MINDY4: variants seen among roughly 807,000 people sequenced by gnomAD.
The protein encoded by MINDY4 is probable ubiquitin carboxyl-terminal hydrolase MINDY-4.
A neutral mutation model predicts 87.0 loss-of-function variants in MINDY4; 68 were observed. The observed-to-expected ratio is 0.78, with a 90% CI of 0.64 to 0.96. The LOEUF (loss-of-function observed/expected upper bound fraction) is 0.96, where lower values mean the gene tolerates loss of function less well. Among genes scored for constraint, MINDY4 ranks in the 40% least tolerant of loss-of-function variants. MINDY4 has a pLI of 0.00. For synonymous variants in MINDY4, 379 were observed against 363.2 expected (o/e 1.04, Z -0.50); for missense variants, 919 against 928.2 (o/e 0.99, Z 0.13).
chr7:30,808,509 G>A (rs115071752), intron 5 of MINDY4, among the ~76,000 whole-genome samples: 1,726 of 152,224 alleles, frequency 0.011, 27 homozygotes, highest in African/African-American at 0.039. Flanking sequence ...CATGTGGTGT[G>A]AGCGTGGTGT....
At chr7:30,813,178 A>G (rs1170227946) in intron 5 of MINDY4, among the ~76,000 whole-genome samples, 1 of 152,206 alleles carries the variant, frequency 6.6e-6, no homozygotes, top group Non-Finnish European at 1.5e-5. Context: ...CCAGAGAACC[A>G]GAGCCCTGTC....
intron 3 of MINDY4, among the ~76,000 whole-genome samples, chr7:30,782,763 C>A (rs145424305): frequency 9.3e-4 from 141 of 152,114 alleles, no homozygotes; most frequent in African/African-American, 3.4e-3. Flanking sequence ...TAAGGGCTGG[C>A]AAGTCTGAAA....
chr7:30,771,534 T>C lies in MINDY4; in HGVS notation c.41T>C (p.Val14Ala), dbSNP rs1489195965. 1.9e-6 allele frequency: 3 copies of C among 1,603,240 alleles called. No homozygotes were observed. Among genetic ancestry groups the C allele is most frequent in the Non-Finnish European group, 2.6e-6 (3 of 1,176,112 alleles). ...GTGGAGGAGGTGGCCGCCTCCTTGG[T>C]CAGGGAGTTCCTCAGCAGAAAGGTA... ...LFVEEVAASL[V>A]REFLSRKGLK... The change falls in exon 1 of 18, where the codon GTC becomes GCC. Residue 14 changes from valine to alanine, a missense_variant. By Grantham distance (64) the Val-to-Ala change is moderately conservative. Coordinates refer to ENST00000265299, the MANE Select transcript of MINDY4 (RefSeq NM_032222.3).
chr7:30,855,997 A>C (rs1298868190), intron 12 of MINDY4, among the ~76,000 whole-genome samples: 3 of 152,222 alleles, frequency 2.0e-5, no homozygotes, highest in Admixed American at 6.5e-5. Context: ...ATGTATACCA[A>C]GCCATCTTTG....
chr7:30,844,379 T>G (rs1481478386), intron 9 of MINDY4, among the ~76,000 whole-genome samples: 2 of 152,066 alleles, frequency 1.3e-5, no homozygotes, highest in African/African-American at 2.4e-5. Flanking sequence ...AGGACTCGCC[T>G]CCTCCTGGTG....
intron 5 of MINDY4, among the ~76,000 whole-genome samples, chr7:30,793,715 G>C (rs1165079834): frequency 1.3e-5 from 2 of 152,222 alleles, no homozygotes; most frequent in Non-Finnish European, 2.9e-5. Flanking sequence ...GGTGGGGAGG[G>C]GCTGCCCGTG....
At chr7:30,879,143 C>A (rs965706950) in intron 15 of MINDY4, among the ~76,000 whole-genome samples, 2 of 152,154 alleles carry the variant, frequency 1.3e-5, no homozygotes, top group African/African-American at 4.8e-5. Flanking sequence ...AAACGCTGAC[C>A]CCCAGTACCT....
chr7:30,808,411 G>T (rs1787882481), intron 5 of MINDY4, among the ~76,000 whole-genome samples: 2 of 152,092 alleles, frequency 1.3e-5, no homozygotes, highest in Admixed American at 1.3e-4. Flanking sequence ...TTGATACTCT[G>T]ATTTTGGTTT....
At chr7:30,830,024 A>G (rs1788649498) in intron 6 of MINDY4, among the ~76,000 whole-genome samples, 1 of 152,090 alleles carries the variant, frequency 6.6e-6, no homozygotes, top group South Asian at 2.1e-4. Flanking sequence ...CATGGAACCC[A>G]GTCACGGAGA....
intron 5 of MINDY4, among the ~76,000 whole-genome samples, chr7:30,823,519 A>G (rs552061281): frequency 6.6e-6 from 1 of 152,210 alleles, no homozygotes; most frequent in Non-Finnish European, 1.5e-5. Context: ...ATTTTTTTCA[A>G]TATTTAATGT....
At chr7:30,851,696 A>C (rs1223118589) in intron 10 of MINDY4, among the ~76,000 whole-genome samples, 3 of 152,228 alleles carry the variant, frequency 2.0e-5, no homozygotes, top group Admixed American at 2.0e-4. Flanking sequence ...AGGAAACAGA[A>C]GCCCAGAGAG....
chr7:30,842,161 C>A (rs1462453956), intron 9 of MINDY4, among the ~76,000 whole-genome samples: 1 of 152,188 alleles, frequency 6.6e-6, no homozygotes, highest in Non-Finnish European at 1.5e-5. Context: ...CCTCTCCAAC[C>A]AAAAATGCTA....
chr7:30,831,196 G>A lies in MINDY4; in HGVS notation c.1132+2459G>A, dbSNP rs183305452. Among the ~76,000 whole-genome samples, 208 of 152,298 alleles carry A rather than the reference G, an allele frequency of 1.4e-3. 1 individual carries two copies. The highest frequency in any genetic ancestry group is 4.8e-3 in the African/African-American group (198 of 41,554). ...CCAATGGGTATTTCAGGACCTGCCCGAATTTCACCTGTTATAGGAAGTTTC... is the reference window on the plus strand; with the variant it reads ...CCAATGGGTATTTCAGGACCTGCCCAAATTTCACCTGTTATAGGAAGTTTC... On this transcript the variant is annotated intron_variant, in intron 6 of 17. Transcript: ENST00000265299.
intron 15 of MINDY4, 112 bp downstream of exon 15, chr7:30,875,768 C>A: frequency 5.6e-6 from 7 of 1,242,052 alleles, no homozygotes; most frequent in Non-Finnish European, 7.8e-6. Context: ...GGCTGAAATT[C>A]GGGTCCAGTT....
intron 6 of MINDY4, among the ~76,000 whole-genome samples, chr7:30,834,813 A>G (rs1420797394): frequency 6.6e-6 from 1 of 152,156 alleles, no homozygotes; most frequent in African/African-American, 2.4e-5. Context: ...AAGTTCTGCA[A>G]ATCTCTAGGG....
At position 30,892,021 on chromosome 7, in the gene MINDY4, A is replaced by G. The variant is rs1443830431; in HGVS notation, c.*16A>G. ...CATCCTGTGACCGTTGGATGTGGGT[A>G]AACCCTGTGGTCCACCACTCATCAC... On this transcript the variant is annotated 3_prime_UTR_variant, in exon 18 of 18. Coordinates refer to ENST00000265299, the MANE Select transcript of MINDY4 (RefSeq NM_032222.3). 1.2e-6 allele frequency: 2 copies of G among 1,613,940 alleles called. No homozygotes were observed. The highest frequency in any genetic ancestry group is 2.2e-5 in the South Asian group (2 of 91,086).
chr7:30,852,176 C>T (rs766467661), intron 10 of MINDY4, 40 bp from the exon 11 acceptor site: 11 of 1,612,892 alleles, frequency 6.8e-6, no homozygotes, highest in South Asian at 2.2e-5. Context: ...CACGCCTTCT[C>T]TCCACTCAGA....
intron 17 of MINDY4, among the ~76,000 whole-genome samples, chr7:30,883,671 G>A (rs1790541948): frequency 6.6e-6 from 1 of 152,204 alleles, no homozygotes; most frequent in Non-Finnish European, 1.5e-5. Flanking sequence ...GTAGCTGTCA[G>A]AAGTGCTCCC....
intron 5 of MINDY4, among the ~76,000 whole-genome samples, chr7:30,824,861 C>T (rs1227916458): frequency 6.6e-6 from 1 of 152,200 alleles, no homozygotes; most frequent in Non-Finnish European, 1.5e-5. Context: ...CACCTTGCTT[C>T]TTCTCTGTTA....
Sources: gnomAD v4.1 joint callset for allele counts (sites outside exome capture counted in the v4.1 genomes callset) on GRCh38, gnomAD v4.1.1 for gene constraint, MANE v1.5 for transcripts, NCBI Gene and HGNC (gene_info 2026-07-23, HGNC 2026-07-21) for gene names.